The following EVI5L variants were observed in gnomAD, a reference collection of about 807,000 sequenced individuals.
EVI5L encodes ecotropic viral integration site 5 like, also known as EVI5-like protein.
In EVI5L, 30 loss-of-function variants were observed where a neutral mutation model predicts 106.1. The ratio of observed to expected loss-of-function variants is 0.28; its 90% CI spans 0.21 to 0.38. The LOEUF (loss-of-function observed/expected upper bound fraction) is 0.38. EVI5L is among the 10% of genes least tolerant of loss of function. EVI5L has a pLI of 1.00. For synonymous variants in EVI5L, 489 were observed against 483.3 expected, an observed-to-expected ratio of 1.01 and a Z score of -0.15; for missense variants, 809 against 1,098.0, an observed-to-expected ratio of 0.74 and a Z score of 3.72.
At chr19:7,833,823 C>A (rs1248511484) in intron 1 of EVI5L, among the ~76,000 whole-genome samples, 1 of 152,170 alleles carries the variant, frequency 6.6e-6, no homozygotes, top group Non-Finnish European at 1.5e-5. Context: ...GCCGCCCTTC[C>A]CAGGGAAGAC....
intron 1 of EVI5L, among the ~76,000 whole-genome samples, chr19:7,842,738 TGTGTGTGAAGGTACTGG>T (rs1978691789): frequency 6.7e-6 from 1 of 148,874 alleles, no homozygotes; most frequent in African/African-American, 2.5e-5. Flanking sequence ...ATTGTGTGCA[TGTGTGTGAAGGTACTGG>T]GTGTGTGTGT....
intron 1 of EVI5L, among the ~76,000 whole-genome samples, chr19:7,842,699 A>G (rs538759763): frequency 4.0e-5 from 6 of 151,002 alleles, no homozygotes; most frequent in African/African-American, 1.5e-4. Flanking sequence ...TTGTGTATCA[A>G]GTGTGTGGAT....
chr19:7,846,136 A>T (rs1185694122), intron 1 of EVI5L, among the ~76,000 whole-genome samples: 1 of 152,202 alleles, frequency 6.6e-6, no homozygotes, highest in African/African-American at 2.4e-5. Flanking sequence ...AGCAGGGTCC[A>T]TGGAGCCCCG....
At chr19:7,841,294 A>G (rs1349068258) in intron 1 of EVI5L, among the ~76,000 whole-genome samples, 1 of 152,108 alleles carries the variant, frequency 6.6e-6, no homozygotes, top group Non-Finnish European at 1.5e-5. Context: ...GAGATCCCCA[A>G]GGGCATCAAG....
chr19:7,850,577 G>A lies in EVI5L; in HGVS notation c.753+455G>A, dbSNP rs1028059929. Among the ~76,000 whole-genome samples the A allele has an allele frequency of 2.4e-4, 36 of 152,140 alleles. No individual in the cohort carries two copies. Among genetic ancestry groups the A allele is most frequent in the Non-Finnish European group, 1.0e-4 (7 of 68,012 alleles). ...AGGCAGAGCCGCCAAGGCCGTTTGC[G>A]AACATACACACACCCGCATGCATAC... On this transcript the variant is annotated intron_variant, in intron 6 of 19. Transcript: ENST00000538904. The surrounding 1 kb of genome is among the most constrained non-coding windows in gnomAD (Gnocchi z 5.4).
At chr19:7,842,036 T>C (rs1017162233) in intron 1 of EVI5L, among the ~76,000 whole-genome samples, 31 of 151,228 alleles carry the variant, frequency 2.0e-4, no homozygotes, top group Admixed American at 1.7e-3. Flanking sequence ...AATGAATGTG[T>C]GTGTGCCTGA....
rs1464120656 is a variant in EVI5L at position 7,845,502 on chromosome 19, G to A, written c.-47-994G>A. 1.1e-4 allele frequency among the ~76,000 whole-genome samples: 17 copies of A among 152,188 alleles called. No homozygotes were observed. The highest frequency in any genetic ancestry group is 2.2e-4 in the Non-Finnish European group (15 of 68,042). On this transcript the variant is annotated intron_variant, in intron 1 of 19. Transcript: ENST00000538904. The surrounding 1 kb of genome is among the most constrained non-coding windows in gnomAD (Gnocchi z 4.0). ...ATCACTGAGTGTCAGGCTCTGTTCT[G>A]ACCAGGTTATGTGCAGTCATGTGCT...
chr19:7,851,632 C>A lies in EVI5L; in HGVS notation c.898-49C>A, dbSNP rs372449965. 62 of 1,593,980 alleles carry A rather than the reference C, an allele frequency of 3.9e-5. No homozygotes were observed. The African/African-American group carries it at 8.0e-4, about 20-fold the overall frequency. On this transcript the variant is annotated intron_variant, in intron 7 of 19. Transcript: ENST00000538904. ...GAGAGCCCCTTGGGGGTGGTTGGAACAGGAGCCTCCCTGCCCTCCACCTCC... is the reference window on the plus strand; with the variant it reads ...GAGAGCCCCTTGGGGGTGGTTGGAAAAGGAGCCTCCCTGCCCTCCACCTCC...
At position 7,857,042 on chromosome 19, in the gene EVI5L, TTCC is replaced by T; in HGVS notation, c.1201-49_1201-47del. ...GTCTCCCCTCTCCTGTCCCCGCGCC[TTCC>T]GCTCTGCCTCCTCCCCCTGTCGCTG... On this transcript the variant is annotated intron_variant, in intron 11 of 19. Transcript: ENST00000538904. This position sits in a 1 kb window ranked among gnomAD's most constrained non-coding sequence, Gnocchi z 4.5. 6.4e-7 allele frequency: 1 copy of T among 1,550,860 alleles called. No homozygotes were observed. Among genetic ancestry groups the T allele is most frequent in the East Asian group, 2.4e-5 (1 of 40,920 alleles).
chr19:7,858,612 GT>G lies in EVI5L; in HGVS notation c.1374+282del. 2.1e-6 allele frequency: 1 copy of G among 479,748 alleles called. No individual in the cohort carries two copies. The highest frequency in any genetic ancestry group is 2.6e-5 in the South Asian group (1 of 38,570). 29.7% of individuals were successfully genotyped at this position (479,748 alleles called of 1,614,324 possible). A position where few individuals can be genotyped will look rare whatever the true frequency, so the allele number is the denominator to read the frequency against. ...CACGGAGGCCTCTGAAGACCGGGCT[GT>G]CCCTGCAGGGTTTCCTCTGTGTCAC... On this transcript the variant is annotated intron_variant, in intron 13 of 19. Coordinates refer to ENST00000538904, the MANE Select transcript of EVI5L (RefSeq NM_001159944.3). The surrounding 1 kb of genome is among the most constrained non-coding windows in gnomAD (Gnocchi z 5.7).
chr19:7,856,204 C>G lies in EVI5L; in HGVS notation c.1200+136C>G. On this transcript the variant is annotated intron_variant, in intron 11 of 19. Coordinates refer to ENST00000538904, the MANE Select transcript of EVI5L (RefSeq NM_001159944.3). The surrounding 1 kb of genome is among the most constrained non-coding windows in gnomAD (Gnocchi z 6.6). ...GACTAAGCAGCCCTACCTTCCTGCCCCAGGACCCGACCTGAACCCGATTTG... is the reference window on the plus strand; with the variant it reads ...GACTAAGCAGCCCTACCTTCCTGCCGCAGGACCCGACCTGAACCCGATTTG... The G allele has an allele frequency of 1.1e-6, 1 of 875,928 alleles. No homozygotes were observed. Among genetic ancestry groups the G allele is most frequent in the Non-Finnish European group, 1.5e-6 (1 of 651,932 alleles). 54.3% of individuals were successfully genotyped at this position (875,928 alleles called of 1,614,324 possible). A position where few individuals can be genotyped will look rare whatever the true frequency, so the allele number is the denominator to read the frequency against.
At chr19:7,833,131 T>G (rs1052799170) in intron 1 of EVI5L, among the ~76,000 whole-genome samples, 7 of 152,178 alleles carry the variant, frequency 4.6e-5, no homozygotes, top group Admixed American at 3.9e-4. Context: ...GAGACTGGGC[T>G]CGTGGAGCTG....
chr19:7,860,418 G>T (rs912655801), intron 13 of EVI5L, 143 bp from the exon 14 acceptor site: 1 of 632,012 alleles, frequency 1.6e-6, no homozygotes, highest in Admixed American at 3.2e-5. Context: ...TGAGCATCAG[G>T]GGGTCCAGCC....
rs115373411 is a variant in EVI5L at position 7,845,613 on chromosome 19, C to T, written c.-47-883C>T. ...AGACACCAAGTGACTGGCCCAAGGTCACACAGCTGGTTGAGGGGAGCCATG... is the reference window on the plus strand; with the variant it reads ...AGACACCAAGTGACTGGCCCAAGGTTACACAGCTGGTTGAGGGGAGCCATG... On this transcript the variant is annotated intron_variant, in intron 1 of 19. Coordinates refer to ENST00000538904, the MANE Select transcript of EVI5L (RefSeq NM_001159944.3). The surrounding 1 kb of genome is among the most constrained non-coding windows in gnomAD (Gnocchi z 4.0). Among the ~76,000 whole-genome samples the T allele has an allele frequency of 2.0e-3, 302 of 152,330 alleles. 1 individual carries two copies. Among genetic ancestry groups the T allele is most frequent in the African/African-American group, 7.0e-3 (291 of 41,584 alleles).
chr19:7,847,477 C>T (rs573942026), intron 2 of EVI5L, among the ~76,000 whole-genome samples: 6 of 152,084 alleles, frequency 3.9e-5, no homozygotes, highest in East Asian at 3.9e-4. Flanking sequence ...ATCCCAGCTA[C>T]TCAGGAGGCT....
intron 1 of EVI5L, 116 bp from the exon 2 acceptor site, chr19:7,846,380 C>T (rs570920615): frequency 4.0e-5 from 38 of 943,702 alleles, no homozygotes; most frequent in South Asian, 3.8e-4. Flanking sequence ...GAGGGGTGCA[C>T]GGACGGGGGT....
chr19:7,836,591 G>A (rs763400164), intron 1 of EVI5L, among the ~76,000 whole-genome samples: 4 of 151,964 alleles, frequency 2.6e-5, no homozygotes, highest in South Asian at 2.1e-4. Context: ...TGTTAAAGCC[G>A]TCGTTGGCTT....
chr19:7,830,612 C>A (rs1355288824), intron 1 of EVI5L, among the ~76,000 whole-genome samples: 3 of 149,012 alleles, frequency 2.0e-5, no homozygotes, highest in Non-Finnish European at 4.5e-5. Context: ...CCCCCTCCCC[C>A]ACTCCGTCCC....
chr19:7,861,493 G>T (rs945203956), intron 14 of EVI5L, among the ~76,000 whole-genome samples: 1 of 152,242 alleles, frequency 6.6e-6, no homozygotes, highest in African/African-American at 2.4e-5. Context: ...GAGAGGGACT[G>T]CCTGGCCTGG....
Sources: gnomAD v4.1 joint callset for allele counts (sites outside exome capture counted in the v4.1 genomes callset) on GRCh38, gnomAD v4.1.1 for gene constraint, Gnocchi (gnomAD v3.1) non-coding constraint, MANE v1.5 for transcripts, NCBI Gene and HGNC (gene_info 2026-07-23, HGNC 2026-07-21) for gene names.